ESRRB: variants seen among roughly 807,000 people sequenced by gnomAD.
ESRRB encodes estrogen related receptor beta.
In ESRRB, 16 loss-of-function variants were observed where a neutral mutation model predicts 46.0. The observed-to-expected ratio is 0.35, with a 90% confidence interval of 0.24 to 0.53. ESRRB has a LOEUF of 0.53. Among genes scored for constraint, ESRRB ranks in the 20% least tolerant of loss-of-function variants. ESRRB has a pLI of 0.93. For synonymous variants in ESRRB, 246 were observed against 259.6 expected (o/e 0.95, Z 0.50); for missense variants, 488 against 607.4 (o/e 0.80, Z 2.07).
At chr14:76,410,002 T>C (rs989390167) in intron 1 of ESRRB, among the ~76,000 whole-genome samples, 5 of 152,030 alleles carry the variant, frequency 3.3e-5, no homozygotes, top group African/African-American at 1.2e-4. Context: ...GGGGGGTGGA[T>C]CACCTGAGGT....
chr14:76,346,694 C>T (rs933366331), intron 1 of ESRRB, among the ~76,000 whole-genome samples: 3 of 152,196 alleles, frequency 2.0e-5, no homozygotes, highest in African/African-American at 4.8e-5. Context: ...GCTGCTCCCC[C>T]ACATGCCCAG....
intron 1 of ESRRB, among the ~76,000 whole-genome samples, chr14:76,330,324 G>A (rs954570103): frequency 1.9e-4 from 29 of 152,196 alleles, no homozygotes; most frequent in African/African-American, 4.6e-4. Context: ...CTGGACCTAC[G>A]TTTTCATCCC....
intron 1 of ESRRB, among the ~76,000 whole-genome samples, chr14:76,423,376 T>G (rs1297976234): frequency 6.6e-6 from 1 of 152,182 alleles, no homozygotes; most frequent in Non-Finnish European, 1.5e-5. Flanking sequence ...ACTTCTGACC[T>G]CAAGTGATCT....
Position 76,439,326 on chromosome 14 carries a change from G to C in ESRRB, c.51-15G>C. ...AGCACCTTGCTGGGGCTGACTTCCC[G>C]ATTTGTGTCCACAGGCTGCTGAACA... is the stretch of plus-strand genomic sequence containing the variant. On this transcript the variant is annotated splice_polypyrimidine_tract_variant and intron_variant, in intron 1 of 6. Transcript: ENST00000644823. The C allele has an allele frequency of 6.2e-7, 1 of 1,612,524 alleles. No individual in the cohort carries two copies. Among genetic ancestry groups the C allele is most frequent in the Non-Finnish European group, 8.5e-7 (1 of 1,179,288 alleles).
At chr14:76,334,314 C>T (rs1466585361) in intron 1 of ESRRB, among the ~76,000 whole-genome samples, 1 of 152,094 alleles carries the variant, frequency 6.6e-6, no homozygotes, top group Non-Finnish European at 1.5e-5. Context: ...CGAGAATATA[C>T]TCTGGAGAGA....
chr14:76,411,697 C>T (rs1451960498), intron 1 of ESRRB, among the ~76,000 whole-genome samples: 2 of 152,112 alleles, frequency 1.3e-5, no homozygotes, highest in Non-Finnish European at 2.9e-5. Context: ...CAGTATCAAC[C>T]TCGGAGGGTT....
intron 1 of ESRRB, among the ~76,000 whole-genome samples, chr14:76,433,637 C>T (rs117004737): frequency 0.014 from 2,191 of 152,282 alleles, 42 homozygotes; most frequent in Non-Finnish European, 0.019. Flanking sequence ...CCGCCCAGTC[C>T]TCTACCCTTC....
intron 1 of ESRRB, among the ~76,000 whole-genome samples, chr14:76,347,448 C>CA (rs1884266244): frequency 6.4e-5 from 3 of 46,850 alleles, no homozygotes; most frequent in African/African-American, 1.6e-4. Flanking sequence ...ACACACACAC[C>CA]GAGAAAACTA....
At chr14:76,428,748 T>C (rs1887306490) in intron 1 of ESRRB, among the ~76,000 whole-genome samples, 1 of 152,180 alleles carries the variant, frequency 6.6e-6, no homozygotes, top group Non-Finnish European at 1.5e-5. Context: ...TCTCTTCTCA[T>C]TGTGATGCCT....
intron 1 of ESRRB, among the ~76,000 whole-genome samples, chr14:76,383,429 GT>G (rs1355204086): frequency 2.0e-5 from 3 of 151,926 alleles, no homozygotes; most frequent in African/African-American, 7.3e-5. Flanking sequence ...CTTTTGATGT[GT>G]TCTTGGTTTC....
intron 1 of ESRRB, among the ~76,000 whole-genome samples, chr14:76,416,133 C>CTTTTT (rs550161182): frequency 7.6e-6 from 1 of 131,748 alleles, no homozygotes; most frequent in African/African-American, 3.0e-5. Context: ...ACCATTTTCC[C>CTTTTT]TTTTTTTTTT....
At chr14:76,422,433 G>A (rs1274443741) in intron 1 of ESRRB, among the ~76,000 whole-genome samples, 3 of 151,822 alleles carry the variant, frequency 2.0e-5, no homozygotes, top group East Asian at 1.9e-4. Flanking sequence ...GGATGGTCTC[G>A]ATCTCCTGAC....
chr14:76,374,730 G>A (rs976650922), upstream of ESRRB, among the ~76,000 whole-genome samples: 33 of 152,132 alleles, frequency 2.2e-4, no homozygotes, highest in African/African-American at 7.7e-4. Flanking sequence ...TTAAAAATCG[G>A]GGGCTGCTGG....
intron 1 of ESRRB, among the ~76,000 whole-genome samples, chr14:76,428,712 G>C (rs1255676136): frequency 6.6e-6 from 1 of 152,164 alleles, no homozygotes; most frequent in Non-Finnish European, 1.5e-5. Flanking sequence ...GCCTCCAATT[G>C]TCTCTTCCTG....
chr14:76,439,240 T>G, intron 1 of ESRRB, 101 bp from the exon 2 acceptor site: 1 of 1,347,550 alleles, frequency 7.4e-7, no homozygotes. Flanking sequence ...CACCAAAGCC[T>G]TAGCATAGAG....
chr14:76,321,342 A>G (rs1464953340), intron 1 of ESRRB, among the ~76,000 whole-genome samples: 4 of 152,040 alleles, frequency 2.6e-5, no homozygotes, highest in African/African-American at 9.7e-5. Flanking sequence ...TCATTTCCAT[A>G]CTGAGCCTGG....
At chr14:76,325,917 G>A (rs1461588159) in intron 1 of ESRRB, among the ~76,000 whole-genome samples, 5 of 152,040 alleles carry the variant, frequency 3.3e-5, no homozygotes, top group South Asian at 2.1e-4. Context: ...TCTTCTCATC[G>A]CCCGCCTGTG....
intron 1 of ESRRB, among the ~76,000 whole-genome samples, chr14:76,340,599 G>C (rs570502387): frequency 6.6e-6 from 1 of 152,188 alleles, no homozygotes; most frequent in Non-Finnish European, 1.5e-5. Flanking sequence ...AGGAATGTGC[G>C]TTCTCCCCAT....
At position 76,357,983 on chromosome 14, in the gene ESRRB, TA is replaced by T. The variant is rs201391754; in HGVS notation, c.2+47070del. On this transcript the variant is annotated intron_variant, in intron 1 of 6. Coordinates refer to the ESRRB transcript ENST00000512784. ...ACTAGGATAGTAACTTTCTTTAAAA[TA>T]AATTGCCTGTTTGAAATATTCCTGC... is the stretch of plus-strand genomic sequence containing the variant. Among the ~76,000 whole-genome samples the T allele has an allele frequency of 7.4e-3, 1,123 of 152,138 alleles. 13 individuals carry two copies. The highest frequency in any genetic ancestry group is 0.026 in the African/African-American group (1,073 of 41,508).
Sources: allele counts gnomAD v4.1 joint callset (sites outside exome capture counted in the v4.1 genomes callset), GRCh38; gene constraint gnomAD v4.1.1; transcripts MANE v1.5; gene names NCBI Gene and HGNC (gene_info 2026-07-23, HGNC 2026-07-21).